The following SLC46A3 variants were observed in gnomAD, a reference collection of about 807,000 sequenced individuals.
SLC46A3 encodes the protein solute carrier family 46 member 3, also known as lysosomal proton-coupled steroid conjugate and bile acid symporter SLC46A3.
A neutral mutation model predicts 38.5 loss-of-function variants in SLC46A3; 26 were observed. That is an observed-to-expected ratio of 0.68 (90% CI 0.49 to 0.94). The LOEUF (loss-of-function observed/expected upper bound fraction) is 0.94. SLC46A3 is among the 40% of genes least tolerant of loss of function. The pLI is 0.00. For synonymous variants in SLC46A3, 185 were observed against 192.5 expected (o/e 0.96, Z 0.32); for missense variants, 510 against 544.3 (o/e 0.94, Z 0.63).
chr13:28,717,974 C>T lies in SLC46A3; in HGVS notation c.25G>A (p.Ala9Thr). Residue 9 changes from alanine (A) to threonine (T), a missense_variant, in exon 2 of 6, where the codon GCC becomes ACC. Physicochemically the swap from Ala to Thr is moderately conservative, Grantham distance 58. Coordinates refer to ENST00000266943, the MANE Select transcript of SLC46A3 (RefSeq NM_181785.4). ...ATAGCAAATGCACTAAGGAAAATGG[C>T]AGGTTCTACAAATAAAATCTTCATA... The part of the protein sequence containing the change: MKILFVEP[A>T]IFLSAFAMTL... 1 of 1,612,386 alleles carries T rather than the reference C, an allele frequency of 6.2e-7. No individual in the cohort carries two copies. The highest frequency in any genetic ancestry group is 8.5e-7 in the Non-Finnish European group (1 of 1,179,518).
At chr13:28,714,317 T>C (rs1885459527) in intron 2 of SLC46A3, among the ~76,000 whole-genome samples, 1 of 152,078 alleles carries the variant, frequency 6.6e-6, no homozygotes, top group South Asian at 2.1e-4. Context: ...CTACAGATGG[T>C]AGCATACCGT....
Position 28,704,081 on chromosome 13 carries a change from A to T in SLC46A3, c.1163T>A (p.Ile388Asn). The T allele has an allele frequency of 2.5e-6, 4 of 1,613,544 alleles. No individual in the cohort carries two copies. Among genetic ancestry groups the T allele is most frequent in the Non-Finnish European group, 3.4e-6 (4 of 1,179,762 alleles). Reference sequence around the variant, plus strand: ...TCCTCCAAGTGTTTCTAAGAAAGCAATACAAGCAAACAGGGTACCTGTTTG... The same window carrying T: ...TCCTCCAAGTGTTTCTAAGAAAGCATTACAAGCAAACAGGGTACCTGTTTG... Reference protein sequence around the residue: ...STEQGTLFACIAFLETLGGVT... With the variant: ...STEQGTLFACNAFLETLGGVT... Residue 388 changes from isoleucine to asparagine, a missense_variant, in exon 5 of 6, where the codon ATT (isoleucine) becomes AAT (asparagine). By Grantham distance (149) the Ile-to-Asn change is moderately radical. Transcript: ENST00000266943.
At chr13:28,704,235 G>C in intron 4 of SLC46A3, 136 bp from the exon 5 acceptor site, 2 of 790,780 alleles carry the variant, frequency 2.5e-6, no homozygotes, top group South Asian at 3.9e-5. Flanking sequence ...TGAAATGAAA[G>C]TTATTCCCTC....
intron 4 of SLC46A3, among the ~76,000 whole-genome samples, chr13:28,707,477 C>T (rs9578053): frequency 0.34 from 51,274 of 148,960 alleles, 9,588 homozygotes; most frequent in Non-Finnish European, 0.42. Flanking sequence ...TTAATGGGTG[C>T]GGCACACCAA....
Position 28,703,981 on chromosome 13 carries a change from C to T in SLC46A3, c.1263G>A (p.Leu421=). 1 of 1,613,734 alleles carries T rather than the reference C, an allele frequency of 6.2e-7. No individual in the cohort carries two copies. Among genetic ancestry groups the T allele is most frequent in the Non-Finnish European group, 8.5e-7 (1 of 1,179,850 alleles). ...CTGGAAGTAGTAACAGACCAGCAGA[C>T]AGCAGGAAAGTGAAGCCAGGGTACC... ...VAWYPGFTFL[L]SAGLLLLPAI... is the part of the protein sequence containing the mutation. The change falls in exon 5 of 6, where the codon CTG becomes CTA. Residue 421 remains leucine (L), a synonymous_variant. Transcript: ENST00000266943.
chr13:28,709,668 T>A (rs1885286326), intron 4 of SLC46A3, among the ~76,000 whole-genome samples: 1 of 152,244 alleles, frequency 6.6e-6, no homozygotes, highest in East Asian at 1.9e-4. Context: ...TACCCTGCTC[T>A]GTGCTTTGGA....
Position 28,718,905 on chromosome 13 carries a change from G to T in SLC46A3, c.-434C>A, listed in dbSNP as rs1885622901. 6.6e-6 allele frequency: 1 copy of T among 152,272 alleles called. No individual in the cohort carries two copies. The highest frequency in any genetic ancestry group is 1.5e-5 in the Non-Finnish European group (1 of 68,078). The allele number at this position is 152,272 out of a possible 1,614,324, so 9.4% of individuals were successfully genotyped here. ...CAATCGGCCAATCGGCGCCTCCGTC[G>T]GTCGGTCAGCGGCCCTGCCAGCGCT... On this transcript the variant is annotated 5_prime_UTR_variant, in exon 1 of 6. Transcript: ENST00000266943.
chr13:28,702,139 T>C (rs1341570999), intron 5 of SLC46A3, among the ~76,000 whole-genome samples: 1 of 147,838 alleles, frequency 6.8e-6, no homozygotes. Context: ...ATTTTCCTAC[T>C]GTTTAAAAAA....
chr13:28,714,030 C>T (rs1169164205), intron 2 of SLC46A3, among the ~76,000 whole-genome samples: 2 of 151,628 alleles, frequency 1.3e-5, no homozygotes, highest in African/African-American at 4.9e-5. Flanking sequence ...CGTGGTGGCT[C>T]ATGCCTGTAA....
Position 28,712,901 on chromosome 13 carries a change from A to G in SLC46A3, c.839T>C (p.Ile280Thr). The G allele has an allele frequency of 6.2e-7, 1 of 1,610,940 alleles. No individual in the cohort carries two copies. Among genetic ancestry groups the G allele is most frequent in the South Asian group, 1.1e-5 (1 of 90,060 alleles). Residue 280 changes from isoleucine to threonine, a missense_variant, in exon 3 of 6, where the codon ATT (isoleucine) becomes ACT (threonine). By Grantham distance (89) the Ile-to-Thr change is moderately conservative. Coordinates refer to ENST00000266943, the MANE Select transcript of SLC46A3 (RefSeq NM_181785.4). ...TGAATCCAATTCATAAAGGATAAAA[A>G]TTGGGGCAATGCCAATTACCACAAA... ...YFFVVIGIAP[I>T]FILYELDSPL...
chr13:28,717,156 C>A (rs549657943), intron 2 of SLC46A3, among the ~76,000 whole-genome samples: 19 of 152,106 alleles, frequency 1.2e-4, no homozygotes, highest in Non-Finnish European at 2.8e-4. Context: ...AAGAAAGCCT[C>A]CTTAATATCT....
Position 28,701,181 on chromosome 13 carries a change from A to G in SLC46A3, c.*316T>C. The G allele has an allele frequency of 7.1e-7, 1 of 1,400,884 alleles. No homozygotes were observed. The highest frequency in any genetic ancestry group is 9.3e-7 in the Non-Finnish European group (1 of 1,077,776). The allele number at this position is 1,400,884 out of a possible 1,614,324, so 86.8% of individuals were successfully genotyped here. ...TATGTCAGAGAGATTATTGCTTTTG[A>G]CCTTATCAAGTTTCTTGATCCCTCC... On this transcript the variant is annotated 3_prime_UTR_variant, in exon 6 of 6. Coordinates refer to ENST00000266943, the MANE Select transcript of SLC46A3 (RefSeq NM_181785.4).
chr13:28,706,273 T>C (rs1885172366), intron 4 of SLC46A3, among the ~76,000 whole-genome samples: 1 of 152,222 alleles, frequency 6.6e-6, no homozygotes, highest in African/African-American at 2.4e-5. Flanking sequence ...TTATTTAAGA[T>C]AATAGAAATA....
chr13:28,716,396 C>T (rs1315730065), intron 2 of SLC46A3, among the ~76,000 whole-genome samples: 1 of 152,024 alleles, frequency 6.6e-6, no homozygotes, highest in African/African-American at 2.4e-5. Context: ...TTTTTCTCAA[C>T]CTAGAGAGAC....
At chr13:28,702,110 ATTCTT>A (rs962052289) in intron 5 of SLC46A3, among the ~76,000 whole-genome samples, 5 of 152,178 alleles carry the variant, frequency 3.3e-5, no homozygotes, top group Non-Finnish European at 5.9e-5. Flanking sequence ...CATGTATGCA[ATTCTT>A]TTCTTTAAGT....
At position 28,700,926 on chromosome 13, in the gene SLC46A3, G is replaced by T. The variant is rs1365270604; in HGVS notation, c.*571C>A. On this transcript the variant is annotated 3_prime_UTR_variant, in exon 6 of 6. Transcript: ENST00000266943. ...AGTCTTCAGAAGTCACAGTATATAAGCTCCGACTATCAATAGCAGCTTAAC... is the reference window on the plus strand; with the variant it reads ...AGTCTTCAGAAGTCACAGTATATAATCTCCGACTATCAATAGCAGCTTAAC... The T allele has an allele frequency of 2.0e-6, 3 of 1,485,464 alleles. No homozygotes were observed. Among genetic ancestry groups the T allele is most frequent in the Non-Finnish European group, 2.8e-6 (3 of 1,088,796 alleles). 92.0% of individuals were successfully genotyped at this position (1,485,464 alleles called of 1,614,324 possible).
Position 28,700,820 on chromosome 13 carries a change from A to G in SLC46A3, c.*677T>C. 1 of 684,116 alleles carries G rather than the reference A, an allele frequency of 1.5e-6. No homozygotes were observed. Among genetic ancestry groups the G allele is most frequent in the Admixed American group, 3.1e-5 (1 of 32,322 alleles). 42.4% of individuals were successfully genotyped at this position (684,116 alleles called of 1,614,324 possible). A position where few individuals can be genotyped will look rare whatever the true frequency, so the allele number is the denominator to read the frequency against. Reference sequence around the variant, plus strand: ...GTCACCGATGAAACATATTAAGAAAAGTGAAAAATACATATTCTTTAAAGT... The same window carrying G: ...GTCACCGATGAAACATATTAAGAAAGGTGAAAAATACATATTCTTTAAAGT... On this transcript the variant is annotated 3_prime_UTR_variant, in exon 6 of 6. Transcript: ENST00000266943.
At chr13:28,718,152 T>G (rs772179665) in intron 1 of SLC46A3, 130 bp from the exon 2 acceptor site, 18 of 678,804 alleles carry the variant, frequency 2.7e-5, no homozygotes, top group Non-Finnish European at 4.4e-5. Flanking sequence ...GAAAAGGCAG[T>G]AAGCACTTTC....
chr13:28,702,172 TG>T (rs1885042716), intron 5 of SLC46A3, among the ~76,000 whole-genome samples: 1 of 151,970 alleles, frequency 6.6e-6, no homozygotes, highest in African/African-American at 2.4e-5. Context: ...TTGGTAAAGA[TG>T]GGGGTCCCAC....
Sources: gnomAD v4.1 joint callset for allele counts (sites outside exome capture counted in the v4.1 genomes callset) on GRCh38, gnomAD v4.1.1 for gene constraint, MANE v1.5 for transcripts, NCBI Gene and HGNC (gene_info 2026-07-23, HGNC 2026-07-21) for gene names.